Variants in KCNIP1 observed in about 807,000 individuals in gnomAD.
KCNIP1 encodes the protein potassium voltage-gated channel interacting protein 1.
KCNIP1 carries 18 observed loss-of-function variants against 33.0 expected under a neutral mutation model. The ratio of observed to expected loss-of-function variants is 0.55; its 90% CI spans 0.38 to 0.81. The LOEUF is 0.81. Among genes scored for constraint, KCNIP1 ranks in the 30% least tolerant of loss-of-function variants. KCNIP1 has a pLI of 0.00. For missense variants in KCNIP1, 238 were observed against 271.6 expected (o/e 0.88, Z 0.87); for synonymous variants, 93 against 98.3 (o/e 0.95, Z 0.32).
At chr5:170,589,564 A>G (rs1289454329) in intron 1 of KCNIP1, among the ~76,000 whole-genome samples, 1 of 152,222 alleles carries the variant, frequency 6.6e-6, no homozygotes, top group Non-Finnish European at 1.5e-5. Context: ...AGGAAAACAA[A>G]GCAAAGTGAG....
chr5:170,606,731 A>C (rs1009424087), intron 1 of KCNIP1, among the ~76,000 whole-genome samples: 1 of 152,118 alleles, frequency 6.6e-6, no homozygotes, highest in Middle Eastern at 3.4e-3. Flanking sequence ...CCATTACCCC[A>C]CCAGTCTATG....
chr5:170,475,611 C>T (rs953851367), intron 1 of KCNIP1, among the ~76,000 whole-genome samples: 3 of 152,228 alleles, frequency 2.0e-5, no homozygotes, highest in Non-Finnish European at 4.4e-5. Flanking sequence ...CACAAAGTTA[C>T]AGGAAATCTC....
At chr5:170,485,359 C>A (rs1757065958) in intron 1 of KCNIP1, among the ~76,000 whole-genome samples, 1 of 152,224 alleles carries the variant, frequency 6.6e-6, no homozygotes, top group African/African-American at 2.4e-5. Flanking sequence ...AAAACCTTTG[C>A]TCCTTCCTTC....
chr5:170,644,495 C>A (rs916930269), intron 1 of KCNIP1, among the ~76,000 whole-genome samples: 4 of 152,212 alleles, frequency 2.6e-5, no homozygotes, highest in Non-Finnish European at 5.9e-5. Flanking sequence ...AGCCTGAGCA[C>A]CTGCATCTCA....
intron 1 of KCNIP1, among the ~76,000 whole-genome samples, chr5:170,590,755 T>C (rs1758218631): frequency 6.6e-6 from 1 of 152,214 alleles, no homozygotes. Context: ...GCCCCAAGTG[T>C]CTGTGGCTGA....
chr5:170,528,655 C>T (rs973601587), intron 1 of KCNIP1, among the ~76,000 whole-genome samples: 4 of 152,210 alleles, frequency 2.6e-5, no homozygotes, highest in African/African-American at 9.6e-5. Flanking sequence ...GTGCCCTTTA[C>T]TCCCCACCCC....
intron 1 of KCNIP1, among the ~76,000 whole-genome samples, chr5:170,672,619 G>C (rs1761968819): frequency 6.6e-6 from 1 of 152,262 alleles, no homozygotes; most frequent in African/African-American, 2.4e-5. Flanking sequence ...ATTGAGAGCT[G>C]TTTTTAATAA....
chr5:170,559,045 C>G (rs912614087), intron 1 of KCNIP1, among the ~76,000 whole-genome samples: 1 of 152,220 alleles, frequency 6.6e-6, no homozygotes, highest in Non-Finnish European at 1.5e-5. Flanking sequence ...CAGTTCTACT[C>G]TAGGCTACAC....
intron 1 of KCNIP1, among the ~76,000 whole-genome samples, chr5:170,717,154 C>T (rs1428842360): frequency 2.6e-5 from 4 of 152,138 alleles, no homozygotes; most frequent in Middle Eastern, 3.4e-3. Context: ...GAGATTCAAA[C>T]CAACAATTAA....
intron 1 of KCNIP1, among the ~76,000 whole-genome samples, chr5:170,675,438 T>C (rs2113780558): frequency 1.3e-5 from 2 of 152,134 alleles, no homozygotes; most frequent in Admixed American, 1.3e-4. Flanking sequence ...GCCAACACGG[T>C]GAAACCCTGT....
In KCNIP1 at chr5:170,368,693, G is replaced by A. The variant is rs1355389852; in HGVS notation, c.88+14729G>A. Among the ~76,000 whole-genome samples, 5 of 152,162 alleles carry A rather than the reference G, an allele frequency of 3.3e-5. No individual in the cohort carries two copies. In the East Asian group the frequency reaches 5.8e-4, roughly 18 times the overall value. On this transcript the variant is annotated intron_variant, in intron 1 of 7. Coordinates refer to the KCNIP1 transcript ENST00000377360. ...ATCATACAGTTCTCAGTATGGGAAC[G>A]CATGAAAGTTCTGCTTTCACTGGCA...
intron 1 of KCNIP1, among the ~76,000 whole-genome samples, chr5:170,423,287 GTTT>G (rs35494389): frequency 6.9e-6 from 1 of 145,798 alleles, no homozygotes. Context: ...TTTCTTTCTT[GTTT>G]TTTTTTTTTC....
intron 1 of KCNIP1, among the ~76,000 whole-genome samples, chr5:170,531,565 C>T (rs1186422647): frequency 6.6e-6 from 1 of 152,224 alleles, no homozygotes; most frequent in Non-Finnish European, 1.5e-5. Context: ...ATCCTAAGTC[C>T]TAAGGTACCT....
chr5:170,511,338 T>C (rs1166637618), intron 1 of KCNIP1, among the ~76,000 whole-genome samples: 1 of 152,246 alleles, frequency 6.6e-6, no homozygotes, highest in Non-Finnish European at 1.5e-5. Context: ...GCTGCTGCCT[T>C]TTGTCCCATC....
upstream of KCNIP1, among the ~76,000 whole-genome samples, chr5:170,503,477 G>A (rs1273670784): frequency 6.6e-6 from 1 of 151,602 alleles, no homozygotes; most frequent in African/African-American, 2.4e-5. Flanking sequence ...CCAACTCCCT[G>A]TCACTAGAAG....
At chr5:170,560,932 ATC>A (rs1028505001) in intron 1 of KCNIP1, among the ~76,000 whole-genome samples, 2 of 151,202 alleles carry the variant, frequency 1.3e-5, no homozygotes, top group African/African-American at 4.9e-5. Context: ...CTTCTCTCTA[ATC>A]TCTCTCTAAC....
At chr5:170,722,862 A>C (rs1403643057) in intron 5 of KCNIP1, 42 bp downstream of exon 5, 1 of 1,302,508 alleles carries the variant, frequency 7.7e-7, no homozygotes, top group South Asian at 1.2e-5. Context: ...GCTCCAGTGA[A>C]GGTAACTAAC....
At chr5:170,391,449 G>A (rs540075632) in intron 1 of KCNIP1, among the ~76,000 whole-genome samples, 13 of 152,352 alleles carry the variant, frequency 8.5e-5, no homozygotes, top group African/African-American at 2.9e-4. Context: ...GCATTGACAA[G>A]CCCTGTCCTC....
chr5:170,358,307 CAAGG>C (rs1763402878), intron 1 of KCNIP1, among the ~76,000 whole-genome samples: 1 of 152,146 alleles, frequency 6.6e-6, no homozygotes, highest in Non-Finnish European at 1.5e-5. Context: ...AGATCTATCT[CAAGG>C]ACAAGGCCCT....
Sources: allele counts gnomAD v4.1 joint callset (sites outside exome capture counted in the v4.1 genomes callset), GRCh38; gene constraint gnomAD v4.1.1; transcripts MANE v1.5; gene names NCBI Gene and HGNC (gene_info 2026-07-23, HGNC 2026-07-21).